The following EFR3B variants were observed in gnomAD, a reference collection of about 807,000 sequenced individuals.
EFR3B encodes EFR3 homolog B.
A neutral mutation model predicts 104.7 loss-of-function variants in EFR3B; 64 were observed. The ratio of observed to expected loss-of-function variants is 0.61; its 90% CI spans 0.50 to 0.75. EFR3B has a LOEUF of 0.75. Ranked by LOEUF, EFR3B falls within the 30% of genes least tolerant of loss-of-function variation. EFR3B has a pLI of 0.00. For synonymous variants in EFR3B, 385 were observed against 417.9 expected (o/e 0.92, Z 0.96); for missense variants, 750 against 1,078.5 (o/e 0.70, Z 4.27).
intron 18 of EFR3B, among the ~76,000 whole-genome samples, chr2:25,144,202 T>G (rs935277036): frequency 6.6e-6 from 1 of 152,182 alleles, no homozygotes; most frequent in Non-Finnish European, 1.5e-5. Context: ...AGACAAGTCC[T>G]TTGCATCCCT....
intron 1 of EFR3B, among the ~76,000 whole-genome samples, chr2:25,087,563 T>A (rs971543977): frequency 6.6e-6 from 1 of 151,206 alleles, no homozygotes; most frequent in African/African-American, 2.4e-5. Context: ...CACTGCAGCC[T>A]CCGGGTTCAA....
At chr2:25,062,124 G>C (rs1668215342) in intron 1 of EFR3B, among the ~76,000 whole-genome samples, 2 of 152,146 alleles carry the variant, frequency 1.3e-5, no homozygotes, top group South Asian at 4.1e-4. Context: ...ATGCTCAGAA[G>C]TGAGCATGTA....
At chr2:25,086,308 A>G (rs1038331901) in intron 1 of EFR3B, among the ~76,000 whole-genome samples, 2 of 152,120 alleles carry the variant, frequency 1.3e-5, no homozygotes, top group African/African-American at 4.8e-5. Context: ...TTGTATGGTA[A>G]GAGTTTATTT....
chr2:25,058,786 A>AT (rs1668098265), intron 1 of EFR3B, among the ~76,000 whole-genome samples: 1 of 146,250 alleles, frequency 6.8e-6, no homozygotes, highest in Non-Finnish European at 1.5e-5. Context: ...AAAAAAAAAA[A>AT]CAATAACCAA....
Position 25,131,977 on chromosome 2 carries a change from G to A in EFR3B, c.1147+66G>A. On this transcript the variant is annotated intron_variant, in intron 10 of 22. Transcript: ENST00000403714. This position sits in a 1 kb window ranked among gnomAD's most constrained non-coding sequence, Gnocchi z 7.6. ...CGCGGAGTGGGGAGGGGAGGGGAGGGACGGGACGGGGCCCAGGGGCTCAAG... is the reference window on the plus strand; with the variant it reads ...CGCGGAGTGGGGAGGGGAGGGGAGGAACGGGACGGGGCCCAGGGGCTCAAG... 4.5e-6 allele frequency: 1 copy of A among 222,220 alleles called. No homozygotes were observed. Among genetic ancestry groups the A allele is most frequent in the Non-Finnish European group, 8.9e-6 (1 of 112,386 alleles). The allele number at this position is 222,220 out of a possible 1,614,324, so 13.8% of individuals were successfully genotyped here.
Position 25,131,311 on chromosome 2 carries a change from G to T in EFR3B, c.850-57G>T. ...CCTTTGGGTGCCAGGAGAGGGCTGC[G>T]CAGCCCAGGGACCCCGTGGGGTTGC... On this transcript the variant is annotated intron_variant, in intron 8 of 22. Transcript: ENST00000403714. The surrounding 1 kb of genome is among the most constrained non-coding windows in gnomAD (Gnocchi z 7.6). 1 of 1,532,306 alleles carries T rather than the reference G, an allele frequency of 6.5e-7. No homozygotes were observed. Among genetic ancestry groups the T allele is most frequent in the Non-Finnish European group, 8.8e-7 (1 of 1,135,670 alleles). 94.9% of individuals were successfully genotyped at this position (1,532,306 alleles called of 1,614,324 possible). A position where few individuals can be genotyped will look rare whatever the true frequency, so the allele number is the denominator to read the frequency against.
chr2:25,044,458 A>G (rs901232032), intron 1 of EFR3B, among the ~76,000 whole-genome samples: 1 of 152,242 alleles, frequency 6.6e-6, no homozygotes, highest in Non-Finnish European at 1.5e-5. Flanking sequence ...GGCGGGGATC[A>G]CAGAATTATA....
At chr2:25,071,722 C>T (rs575106406) in intron 1 of EFR3B, among the ~76,000 whole-genome samples, 11 of 152,188 alleles carry the variant, frequency 7.2e-5, no homozygotes, top group South Asian at 4.2e-4. Context: ...TGTTTGTCGC[C>T]GAAATTATTT....
chr2:25,114,469 G>A lies in EFR3B; in HGVS notation c.364-7204G>A, dbSNP rs868620269. Among the ~76,000 whole-genome samples, 5 of 152,170 alleles carry A rather than the reference G, an allele frequency of 3.3e-5. No individual in the cohort carries two copies. Among genetic ancestry groups the A allele is most frequent in the Admixed American group, 6.6e-5 (1 of 15,266 alleles). On this transcript the variant is annotated intron_variant, in intron 4 of 22. Transcript: ENST00000403714. This position sits in a 1 kb window ranked among gnomAD's most constrained non-coding sequence, Gnocchi z 4.0. Reference sequence around the variant, plus strand: ...CCTGTTGCACACACCACTTCTCCACGGGAGATCGGGGACTGGCATTAAGTG... The same window carrying A: ...CCTGTTGCACACACCACTTCTCCACAGGAGATCGGGGACTGGCATTAAGTG...
rs79532604 is a variant in EFR3B at position 25,128,344 on chromosome 2, G to A, written c.635+12G>A. 13 of 1,551,740 alleles carry A rather than the reference G, an allele frequency of 8.4e-6. No individual in the cohort carries two copies. The highest frequency in any genetic ancestry group is 1.4e-5 in the African/African-American group (1 of 73,154). On this transcript the variant is annotated intron_variant, in intron 6 of 22. Transcript: ENST00000403714. ...GAGGAGGCAGAGAGGTAAGCAGGCC[G>A]GGATGGGGCAGGACAGTAGATATAA... is the stretch of plus-strand genomic sequence containing the variant.
At chr2:25,074,191 G>A (rs1668571451) in intron 1 of EFR3B, among the ~76,000 whole-genome samples, 1 of 152,178 alleles carries the variant, frequency 6.6e-6, no homozygotes, top group Non-Finnish European at 1.5e-5. Context: ...GCTCTGGCAT[G>A]ATGCTGGGAT....
chr2:25,153,593 CCTTCCTAA>C, intron 21 of EFR3B, 111 bp from the exon 22 acceptor site: 1 of 994,048 alleles, frequency 1.0e-6, no homozygotes, highest in Non-Finnish European at 1.5e-6. Flanking sequence ...CCTCTGCCTG[CCTTCCTAA>C]GGCTGTGGCT....
chr2:25,131,225 C>G lies in EFR3B; in HGVS notation c.850-143C>G. On this transcript the variant is annotated intron_variant, in intron 8 of 22. Transcript: ENST00000403714. This position sits in a 1 kb window ranked among gnomAD's most constrained non-coding sequence, Gnocchi z 7.6. Reference sequence around the variant, plus strand: ...GAAGGGAAGGATCCAGTAAAGGGCACGAGGTGTCAGTGCCAACTGCAGTGC... The same window carrying G: ...GAAGGGAAGGATCCAGTAAAGGGCAGGAGGTGTCAGTGCCAACTGCAGTGC... The G allele has an allele frequency of 8.9e-7, 1 of 1,118,494 alleles. No individual in the cohort carries two copies. Among genetic ancestry groups the G allele is most frequent in the Non-Finnish European group, 1.2e-6 (1 of 804,552 alleles). 69.3% of individuals were successfully genotyped at this position (1,118,494 alleles called of 1,614,324 possible).
chr2:25,119,316 G>C (rs902537859), intron 4 of EFR3B, among the ~76,000 whole-genome samples: 1 of 152,226 alleles, frequency 6.6e-6, no homozygotes, highest in Non-Finnish European at 1.5e-5. Flanking sequence ...TGCTAGAGCT[G>C]TGTGTCTCCT....
chr2:25,114,891 G>A lies in EFR3B; in HGVS notation c.364-6782G>A, dbSNP rs572110454. ...AGAGTAGGGGGAGCGGGCACTTAAG[G>A]ATGCAGGTACCTGGCCGGGCGCAGT... On this transcript the variant is annotated intron_variant, in intron 4 of 22. Transcript: ENST00000403714. The surrounding 1 kb of genome is among the most constrained non-coding windows in gnomAD (Gnocchi z 4.0). 6.6e-6 allele frequency among the ~76,000 whole-genome samples: 1 copy of A among 152,320 alleles called. No homozygotes were observed. The highest frequency in any genetic ancestry group is 2.1e-4 in the South Asian group (1 of 4,826).
At chr2:25,132,790 C>T in intron 10 of EFR3B, 113 bp from the exon 11 acceptor site, 1 of 844,510 alleles carries the variant, frequency 1.2e-6, no homozygotes, top group Non-Finnish European at 1.9e-6. Flanking sequence ...TTTCTCTGGT[C>T]CTGGATTGAC....
chr2:25,048,935 G>A (rs1404197107), intron 1 of EFR3B, among the ~76,000 whole-genome samples: 3 of 152,024 alleles, frequency 2.0e-5, no homozygotes, highest in Admixed American at 2.0e-4. Flanking sequence ...CACCCTGTGG[G>A]GCTGCTCCCT....
rs1667593657 is a variant in EFR3B at position 25,042,283 on chromosome 2, G to A, written c.-30G>A. Reference sequence around the variant, plus strand: ...TGGCTGGGAACGCCGCAGCGACGCCGGCCTCTCGAGAGGCGCGCGCCCCGC... The same window carrying A: ...TGGCTGGGAACGCCGCAGCGACGCCAGCCTCTCGAGAGGCGCGCGCCCCGC... On this transcript the variant is annotated 5_prime_UTR_variant, in exon 1 of 23. Coordinates refer to ENST00000403714, the MANE Select transcript of EFR3B (RefSeq NM_014971.2). This position sits in a 1 kb window ranked among gnomAD's most constrained non-coding sequence, Gnocchi z 5.4. 9.2e-6 allele frequency: 12 copies of A among 1,305,174 alleles called. No individual in the cohort carries two copies. Among genetic ancestry groups the A allele is most frequent in the Non-Finnish European group, 1.1e-5 (11 of 1,028,358 alleles). The allele number at this position is 1,305,174 out of a possible 1,614,324, so 80.8% of individuals were successfully genotyped here.
rs1034928239 is a variant in EFR3B at position 25,131,285 on chromosome 2, G to A, written c.850-83G>A. 25 of 1,501,702 alleles carry A rather than the reference G, an allele frequency of 1.7e-5. No homozygotes were observed. The East Asian group carries it at 2.2e-4, about 13-fold the overall frequency. 93.0% of individuals were successfully genotyped at this position (1,501,702 alleles called of 1,614,324 possible). A position where few individuals can be genotyped will look rare whatever the true frequency, so the allele number is the denominator to read the frequency against. ...TGGAACGTCCCTTTAGTTTACCCCCGCCTTTGGGTGCCAGGAGAGGGCTGC... is the reference window on the plus strand; with the variant it reads ...TGGAACGTCCCTTTAGTTTACCCCCACCTTTGGGTGCCAGGAGAGGGCTGC... On this transcript the variant is annotated intron_variant, in intron 8 of 22. Transcript: ENST00000403714. This position sits in a 1 kb window ranked among gnomAD's most constrained non-coding sequence, Gnocchi z 7.6.
Sources: allele counts gnomAD v4.1 joint callset (sites outside exome capture counted in the v4.1 genomes callset), GRCh38; gene constraint gnomAD v4.1.1; non-coding constraint Gnocchi (gnomAD v3.1); transcripts MANE v1.5; gene names NCBI Gene and HGNC (gene_info 2026-07-23, HGNC 2026-07-21).